PCBP3: variants seen among roughly 807,000 people sequenced by gnomAD.
PCBP3 encodes poly(rC) binding protein 3.
A neutral mutation model predicts 52.7 loss-of-function variants in PCBP3; 25 were observed. The ratio of observed to expected loss-of-function variants is 0.47; its 90% CI spans 0.35 to 0.66. The LOEUF is 0.66. Among genes scored for constraint, PCBP3 ranks in the 30% least tolerant of loss-of-function variants. PCBP3 has a pLI of 0.01. For synonymous variants in PCBP3, 162 were observed against 183.0 expected (o/e 0.89, Z 0.93); for missense variants, 391 against 490.3 (o/e 0.80, Z 1.91).
At chr21:45,926,336 C>T (rs1002501747) in intron 13 of PCBP3, among the ~76,000 whole-genome samples, 19 of 152,202 alleles carry the variant, frequency 1.2e-4, no homozygotes, top group Non-Finnish European at 1.5e-4. Flanking sequence ...TTCTAAATGA[C>T]GCTGATAAAC....
At chr21:45,835,213 G>A (rs1481690690) in intron 4 of PCBP3, among the ~76,000 whole-genome samples, 1 of 152,130 alleles carries the variant, frequency 6.6e-6, no homozygotes, top group Non-Finnish European at 1.5e-5. Context: ...GGCCCCGGGG[G>A]CGGGGCCTAC....
At chr21:45,691,460 G>GTA (rs2082474268) in intron 2 of PCBP3, among the ~76,000 whole-genome samples, 2 of 96,848 alleles carry the variant, frequency 2.1e-5, no homozygotes, top group Non-Finnish European at 4.4e-5. Flanking sequence ...GTATGTATGT[G>GTA]TGTGTGTGTG....
intron 5 of PCBP3, among the ~76,000 whole-genome samples, chr21:45,894,955 T>C (rs966165316): frequency 1.3e-5 from 2 of 152,228 alleles, no homozygotes; most frequent in African/African-American, 4.8e-5. Context: ...TGTAATAAAA[T>C]TACAATAATT....
intron 4 of PCBP3, among the ~76,000 whole-genome samples, chr21:45,844,852 TTATAACTTTATATACG>T (rs1449676561): frequency 2.7e-5 from 4 of 149,130 alleles, no homozygotes; most frequent in Admixed American, 2.0e-4. Context: ...GTATATAAAG[TTATAACTTTATATACG>T]TATATGAAGT....
At position 45,737,445 on chromosome 21, in the gene PCBP3, T is replaced by C. The variant is rs186350159; in HGVS notation, c.-162+2016T>C. On this transcript the variant is annotated intron_variant, in intron 3 of 17. Transcript: ENST00000681687. This position sits in a 1 kb window ranked among gnomAD's most constrained non-coding sequence, Gnocchi z 4.9. The stretch of plus-strand genomic sequence containing the variant: ...TCAGACAGATAAACAACACCTGTTA[T>C]GTGCTGTTCCCATTTTCTCTTCGAC... Among the ~76,000 whole-genome samples the C allele has an allele frequency of 1.4e-3, 210 of 152,354 alleles. 2 individuals are homozygous for C. The highest frequency in any genetic ancestry group is 1.9e-3 in the Non-Finnish European group (127 of 68,022).
chr21:45,914,799 C>T (rs1008189301), intron 12 of PCBP3: 1 of 152,490 alleles, frequency 6.6e-6, no homozygotes, highest in Non-Finnish European at 1.5e-5. Flanking sequence ...CCTGGAAGAG[C>T]TCTGTGTCCA....
intron 4 of PCBP3, among the ~76,000 whole-genome samples, chr21:45,824,885 GTCA>G (rs1353287021): frequency 6.6e-6 from 1 of 152,254 alleles, no homozygotes; most frequent in Non-Finnish European, 1.5e-5. Flanking sequence ...GTGTGAGACT[GTCA>G]TCAGCAGTAA....
intron 2 of PCBP3, among the ~76,000 whole-genome samples, chr21:45,710,557 G>A (rs1262589219): frequency 6.6e-6 from 1 of 152,130 alleles, no homozygotes; most frequent in Non-Finnish European, 1.5e-5. Flanking sequence ...GTCTATCATT[G>A]TTGGACACAT....
chr21:45,710,770 T>C (rs1442631922), intron 2 of PCBP3, among the ~76,000 whole-genome samples: 1 of 152,232 alleles, frequency 6.6e-6, no homozygotes, highest in African/African-American at 2.4e-5. Flanking sequence ...TCTGTATAAA[T>C]TATTTAGACT....
In PCBP3 at chr21:45,876,852, G is replaced by T. The variant is rs537864698; in HGVS notation, c.11-19356G>T. Among the ~76,000 whole-genome samples, 566 of 152,372 alleles carry T rather than the reference G, an allele frequency of 3.7e-3. 2 individuals are homozygous for T. The highest frequency in any genetic ancestry group is 0.01 in the Middle Eastern group (3 of 294). ...AGCCCTGGACAGAGCACAGCTAACG[G>T]GGGTATGGCCAGAGCCGCTGGCTGC... On this transcript the variant is annotated intron_variant, in intron 5 of 17. Transcript: ENST00000681687.
intron 2 of PCBP3, among the ~76,000 whole-genome samples, chr21:45,701,620 G>A (rs1020251272): frequency 1.3e-5 from 2 of 152,104 alleles, no homozygotes; most frequent in Non-Finnish European, 2.9e-5. Context: ...GAGTGCAGTG[G>A]CACAATCTCG....
chr21:45,690,863 G>A (rs2082420416), intron 2 of PCBP3, among the ~76,000 whole-genome samples: 1 of 152,150 alleles, frequency 6.6e-6, no homozygotes, highest in Admixed American at 6.5e-5. Flanking sequence ...ATGAAAATAA[G>A]TAGTGATACA....
chr21:45,869,394 G>A (rs1337768193), intron 5 of PCBP3: 1 of 152,184 alleles, frequency 6.6e-6, no homozygotes, highest in Non-Finnish European at 1.5e-5. Context: ...AGACCCCTCG[G>A]GCACCCTGGG....
chr21:45,690,423 A>G (rs2082391175), intron 2 of PCBP3, among the ~76,000 whole-genome samples: 1 of 152,174 alleles, frequency 6.6e-6, no homozygotes, highest in Non-Finnish European at 1.5e-5. Context: ...ATACATCAAC[A>G]AATAGATAAA....
intron 2 of PCBP3, among the ~76,000 whole-genome samples, chr21:45,732,445 A>G (rs752818690): frequency 1.3e-4 from 19 of 151,456 alleles, no homozygotes; most frequent in Non-Finnish European, 2.5e-4. Context: ...AAGAGCAGCA[A>G]ATGAGTAGAT....
At chr21:45,711,259 T>C (rs1209398287) in intron 2 of PCBP3, among the ~76,000 whole-genome samples, 1 of 152,246 alleles carries the variant, frequency 6.6e-6, no homozygotes, top group East Asian at 1.9e-4. Flanking sequence ...CTAACCTGTA[T>C]ATATGCACAT....
chr21:45,650,836 A>G (rs2064909661), intron 1 of PCBP3, among the ~76,000 whole-genome samples: 1 of 152,042 alleles, frequency 6.6e-6, no homozygotes, highest in Admixed American at 6.5e-5. Flanking sequence ...GCAATTAATC[A>G]CTTTGGAAGG....
rs544402946 is a variant in PCBP3 at position 45,875,257 on chromosome 21, C to T, written c.11-20951C>T. ...GGGGGCCCCTCCGTGCTGCGCGCTC[C>T]GGCTGACTCACTGGGGCTGGGGGCC... On this transcript the variant is annotated intron_variant, in intron 5 of 17. Transcript: ENST00000681687. Among the ~76,000 whole-genome samples the T allele has an allele frequency of 1.3e-4, 20 of 151,928 alleles. No individual in the cohort carries two copies. The East Asian group carries it at 2.3e-3, about 18-fold the overall frequency.
In PCBP3 at chr21:45,735,088, G is replaced by A. The variant is rs554328005; in HGVS notation, c.-199-304G>A. The stretch of plus-strand genomic sequence containing the variant: ...ATTCAGAGGGATTTGAGAATCAGCT[G>A]TGCCCCAGACGTCAGTCAGGCCGAG... On this transcript the variant is annotated intron_variant, in intron 2 of 17. Coordinates refer to ENST00000681687, the MANE Select transcript of PCBP3 (RefSeq NM_001384156.1). The surrounding 1 kb of genome is among the most constrained non-coding windows in gnomAD (Gnocchi z 4.0). Among the ~76,000 whole-genome samples the A allele has an allele frequency of 6.6e-6, 1 of 152,314 alleles. No homozygotes were observed. The highest frequency in any genetic ancestry group is 2.4e-5 in the African/African-American group (1 of 41,578).
Sources: allele counts gnomAD v4.1 joint callset (sites outside exome capture counted in the v4.1 genomes callset), GRCh38; gene constraint gnomAD v4.1.1; non-coding constraint Gnocchi (gnomAD v3.1); transcripts MANE v1.5; gene names NCBI Gene and HGNC (gene_info 2026-07-23, HGNC 2026-07-21).